DNAH11: variants seen among roughly 807,000 people sequenced by gnomAD.
DNAH11 encodes the protein dynein axonemal heavy chain 11.
DNAH11 carries 442 observed loss-of-function variants against 526.0 expected under a neutral mutation model. That is an observed-to-expected ratio of 0.84 (90% confidence interval 0.78 to 0.91). The LOEUF (loss-of-function observed/expected upper bound fraction) is 0.91, where lower values mean the gene tolerates loss of function less well. Ranked by LOEUF, DNAH11 falls within the 40% of genes least tolerant of loss-of-function variation. The pLI is 0.00. For synonymous variants in DNAH11, 2,461 were observed against 1,935.9 expected (o/e 1.27, Z -7.12); for missense variants, 6,989 against 5,448.7 (o/e 1.28, Z -8.90).
intron 28 of DNAH11, among the ~76,000 whole-genome samples, chr7:21,641,404 A>T (rs1787127134): frequency 6.6e-6 from 1 of 152,148 alleles, no homozygotes; most frequent in Non-Finnish European, 1.5e-5. Context: ...ATGGAGGTAG[A>T]GGAGGGTGGG....
intron 17 of DNAH11, 77 bp downstream of exon 17, chr7:21,601,256 A>G: frequency 6.7e-7 from 1 of 1,496,906 alleles, no homozygotes; most frequent in Non-Finnish European, 9.0e-7. Flanking sequence ...TTTTAAGCGT[A>G]TTAATGTTGC....
At chr7:21,588,356 T>C (rs1404176042) in intron 10 of DNAH11, among the ~76,000 whole-genome samples, 155 bp downstream of exon 10, 1 of 152,232 alleles carries the variant, frequency 6.6e-6, no homozygotes, top group East Asian at 1.9e-4. Context: ...ATGGTAAACT[T>C]GCTTTAGGAC....
chr7:21,761,402 A>G (rs1482588176), intron 54 of DNAH11, among the ~76,000 whole-genome samples: 1 of 151,390 alleles, frequency 6.6e-6, no homozygotes, highest in African/African-American at 2.5e-5. Context: ...TATTTATTTA[A>G]AATTCTCTAA....
chr7:21,874,659 T>G (rs924121671), intron 74 of DNAH11, among the ~76,000 whole-genome samples: 7 of 151,988 alleles, frequency 4.6e-5, no homozygotes, highest in Admixed American at 2.0e-4. Flanking sequence ...ATATATAAAT[T>G]AATACATAAA....
rs1785056879 is a variant in DNAH11, at chr7:21,600,874, C to T, written c.3199C>T (p.His1067Tyr). 1.2e-6 allele frequency: 2 copies of T among 1,613,912 alleles called. No individual in the cohort carries two copies. Among genetic ancestry groups the T allele is most frequent in the Non-Finnish European group, 1.7e-6 (2 of 1,179,858 alleles). ...TGTGTCTTCCGATGAAATGGATGCT[C>T]ATGCAAATGAAGAAATTCCCGAACA... is the stretch of plus-strand genomic sequence containing the variant. ...HAVSSDEMDA[H>Y]ANEEIPEQPP... The change falls in exon 16 of 82, where the codon CAT (histidine) becomes TAT (tyrosine). Residue 1067 changes from histidine to tyrosine, a missense_variant. His to Tyr is a moderately conservative substitution (Grantham distance 83, BLOSUM62 2). Transcript: ENST00000409508.
chr7:21,749,128 A>T (rs1029643821), intron 52 of DNAH11, among the ~76,000 whole-genome samples: 4 of 152,182 alleles, frequency 2.6e-5, no homozygotes, highest in Admixed American at 6.5e-5. Flanking sequence ...TTTCTTCCAC[A>T]TTGGATAAGA....
Position 21,900,916 on chromosome 7 carries a change from G to C in DNAH11, c.13304-91G>C. On this transcript the variant is annotated intron_variant, in intron 81 of 81. Coordinates refer to ENST00000409508, the MANE Select transcript of DNAH11 (RefSeq NM_001277115.2). Reference sequence around the variant, plus strand: ...AGCAAAAATATGACAAAACCAGAATGTTGAATGTTTATTGCATCAAACAAC... The same window carrying C: ...AGCAAAAATATGACAAAACCAGAATCTTGAATGTTTATTGCATCAAACAAC... 4 of 1,463,298 alleles carry C rather than the reference G, an allele frequency of 2.7e-6. No homozygotes were observed. The South Asian group carries it at 6.1e-5, about 22-fold the overall frequency. 90.6% of individuals were successfully genotyped at this position (1,463,298 alleles called of 1,614,324 possible). A position where few individuals can be genotyped will look rare whatever the true frequency, so the allele number is the denominator to read the frequency against.
At chr7:21,639,628 C>T (rs762620593) in intron 28 of DNAH11, among the ~76,000 whole-genome samples, 10 of 152,162 alleles carry the variant, frequency 6.6e-5, no homozygotes, top group Non-Finnish European at 1.3e-4. Context: ...CAAATAAAAA[C>T]AGATACTATC....
chr7:21,808,275 T>A lies in DNAH11; in HGVS notation c.10332+226T>A, dbSNP rs539331154. On this transcript the variant is annotated intron_variant, in intron 63 of 81. Coordinates refer to ENST00000409508, the MANE Select transcript of DNAH11 (RefSeq NM_001277115.2). ...TGTTTTTATTGATCTATAATACTCA[T>A]ATATATTTTTGGGGTAATGTGATAG... Among the ~76,000 whole-genome samples the A allele has an allele frequency of 7.2e-5, 11 of 152,318 alleles. No homozygotes were observed. In the South Asian group the frequency reaches 2.3e-3, roughly 32 times the overall value.
rs1036181406 is a variant in DNAH11, at chr7:21,691,005, T to C, written c.6041+124T>C. ...TAAGGAAAATCCTATATGATTTCCT[T>C]GGGCTCCTTTTATAGACAGAACTTT... On this transcript the variant is annotated intron_variant, in intron 35 of 81. Coordinates refer to ENST00000409508, the MANE Select transcript of DNAH11 (RefSeq NM_001277115.2). The C allele has an allele frequency of 1.3e-5, 9 of 690,128 alleles. No individual in the cohort carries two copies. In the South Asian group the frequency reaches 1.3e-4, roughly 10 times the overall value. The allele number at this position is 690,128 out of a possible 1,614,324, so 42.8% of individuals were successfully genotyped here. A position where few individuals can be genotyped will look rare whatever the true frequency, so the allele number is the denominator to read the frequency against.
chr7:21,629,986 T>C (rs776064717), intron 25 of DNAH11, among the ~76,000 whole-genome samples: 1 of 152,148 alleles, frequency 6.6e-6, no homozygotes. Context: ...GTAATTTTTC[T>C]TTTTTACTTT....
At chr7:21,601,247 T>C in intron 17 of DNAH11, 68 bp downstream of exon 17, 1 of 1,514,540 alleles carries the variant, frequency 6.6e-7, no homozygotes, top group Middle Eastern at 2.0e-4. Flanking sequence ...AGATGTTACT[T>C]TTAAGCGTAT....
chr7:21,777,919 A>ATGG (rs1387077913), intron 56 of DNAH11, among the ~76,000 whole-genome samples: 8 of 152,206 alleles, frequency 5.3e-5, no homozygotes, highest in Non-Finnish European at 1.0e-4. Flanking sequence ...GAAACCACTG[A>ATGG]AATGTCTTTA....
intron 57 of DNAH11, among the ~76,000 whole-genome samples, 199 bp downstream of exon 57, chr7:21,779,303 C>G (rs1470349897): frequency 3.9e-5 from 6 of 152,154 alleles, no homozygotes; most frequent in Admixed American, 2.6e-4. Flanking sequence ...AACCTTTTAG[C>G]TCTTTTAATG....
At chr7:21,840,302 G>C (rs1782156273) in intron 65 of DNAH11, among the ~76,000 whole-genome samples, 1 of 152,166 alleles carries the variant, frequency 6.6e-6, no homozygotes, top group Non-Finnish European at 1.5e-5. Context: ...ATCTCACCTG[G>C]AAGTCAATGA....
intron 66 of DNAH11, among the ~76,000 whole-genome samples, chr7:21,845,462 G>C (rs541979084): frequency 6.6e-6 from 1 of 152,246 alleles, no homozygotes; most frequent in South Asian, 2.1e-4. Context: ...TTGTTGAAAA[G>C]ACTATATTTT....
intron 75 of DNAH11, 29 bp from the exon 76 acceptor site, chr7:21,884,261 CA>C: frequency 6.3e-7 from 1 of 1,579,524 alleles, no homozygotes; most frequent in Non-Finnish European, 8.6e-7. Context: ...CTGCACCCAG[CA>C]GTGAATATTT....
chr7:21,763,556 G>A (rs1249475632), intron 54 of DNAH11, among the ~76,000 whole-genome samples: 3 of 151,422 alleles, frequency 2.0e-5, no homozygotes, highest in Non-Finnish European at 4.4e-5. Context: ...CTATTGGTGG[G>A]AATGTAAAAT....
At chr7:21,891,852 TAC>T (rs1784336945) in intron 76 of DNAH11, among the ~76,000 whole-genome samples, 1 of 152,190 alleles carries the variant, frequency 6.6e-6, no homozygotes, top group Admixed American at 6.5e-5. Flanking sequence ...GGTACTTATA[TAC>T]ACACACATTT....
Sources: gnomAD v4.1 joint callset for allele counts (sites outside exome capture counted in the v4.1 genomes callset) on GRCh38, gnomAD v4.1.1 for gene constraint, MANE v1.5 for transcripts, NCBI Gene and HGNC (gene_info 2026-07-23, HGNC 2026-07-21) for gene names.